MAGI2: variants seen among roughly 807,000 people sequenced by gnomAD.
The protein encoded by MAGI2 is membrane associated guanylate kinase, WW and PDZ domain containing 2, also known as membrane-associated guanylate kinase, WW and PDZ domain-containing protein 2.
In MAGI2, 35 loss-of-function variants were observed where a neutral mutation model predicts 133.3. The observed-to-expected ratio is 0.26, with a 90% CI of 0.20 to 0.35. The LOEUF (loss-of-function observed/expected upper bound fraction) is 0.35. MAGI2 is among the 10% of genes least tolerant of loss of function. The pLI is 1.00. For synonymous variants in MAGI2, 729 were observed against 710.6 expected, an observed-to-expected ratio of 1.03 and a Z score of -0.41; for missense variants, 1,636 against 1,863.4, an observed-to-expected ratio of 0.88 and a Z score of 2.25.
chr7:78,449,786 T>C (rs1483212585), intron 6 of MAGI2, among the ~76,000 whole-genome samples: 1 of 152,100 alleles, frequency 6.6e-6, no homozygotes, highest in Non-Finnish European at 1.5e-5. Context: ...ATAGACATTA[T>C]CACTTAACCG....
chr7:79,240,703 G>A (rs770588733), intron 1 of MAGI2, among the ~76,000 whole-genome samples: 3 of 152,164 alleles, frequency 2.0e-5, no homozygotes, highest in Non-Finnish European at 4.4e-5. Context: ...GTATTGAGCA[G>A]CTTTGCATAT....
intron 10 of MAGI2, among the ~76,000 whole-genome samples, chr7:78,234,715 A>G (rs1264417965): frequency 6.6e-6 from 1 of 150,536 alleles, no homozygotes; most frequent in Non-Finnish European, 1.5e-5. Flanking sequence ...GCTATAGGTG[A>G]TTTCGTTCAT....
At chr7:79,149,858 A>G (rs1026279372) in intron 1 of MAGI2, among the ~76,000 whole-genome samples, 5 of 152,190 alleles carry the variant, frequency 3.3e-5, no homozygotes, top group Non-Finnish European at 2.9e-5. Flanking sequence ...AGAGTCTCAA[A>G]TTTTTTAAAA....
chr7:79,009,131 C>T (rs750235143), intron 1 of MAGI2: 6 of 152,064 alleles, frequency 3.9e-5, no homozygotes, highest in Non-Finnish European at 8.8e-5. Flanking sequence ...TAAGGTAAGC[C>T]AGAATCACTC....
At chr7:79,193,958 T>TTTG (rs1562981605) in intron 1 of MAGI2, among the ~76,000 whole-genome samples, 1 of 151,844 alleles carries the variant, frequency 6.6e-6, no homozygotes, top group African/African-American at 2.4e-5. Context: ...GAAAATCTTT[T>TTTG]TTTGTTTGTT....
intron 1 of MAGI2, among the ~76,000 whole-genome samples, chr7:79,338,595 T>C (rs572958582): frequency 6.6e-6 from 1 of 152,084 alleles, no homozygotes; most frequent in African/African-American, 2.4e-5. Context: ...CTTCTGGGGG[T>C]TCTGTGAGTC....
intron 2 of MAGI2, among the ~76,000 whole-genome samples, chr7:78,992,646 G>T (rs118128655): frequency 6.6e-6 from 1 of 151,876 alleles, no homozygotes; most frequent in Non-Finnish European, 1.5e-5. Flanking sequence ...CTAATGTTAG[G>T]TCAACATATA....
At chr7:79,342,369 A>G (rs1265235419) in intron 1 of MAGI2, among the ~76,000 whole-genome samples, 2 of 152,224 alleles carry the variant, frequency 1.3e-5, no homozygotes, top group Non-Finnish European at 2.9e-5. Flanking sequence ...TGTCCATTGA[A>G]CAAAGTGCAT....
intron 1 of MAGI2, among the ~76,000 whole-genome samples, chr7:79,433,484 C>T (rs1847923944): frequency 6.6e-6 from 1 of 151,374 alleles, no homozygotes; most frequent in African/African-American, 2.4e-5. Context: ...ACCCGGGAGG[C>T]GGAGCTTGCA....
intron 21 of MAGI2, among the ~76,000 whole-genome samples, chr7:78,076,854 A>C (rs867044571): frequency 1.4e-3 from 121 of 84,818 alleles, no homozygotes; most frequent in Non-Finnish European, 2.5e-3. Flanking sequence ...CTCCGTCTCA[A>C]AAAAAAAAAA....
At chr7:78,980,770 C>A (rs182372234) in intron 2 of MAGI2, among the ~76,000 whole-genome samples, 2 of 151,246 alleles carry the variant, frequency 1.3e-5, no homozygotes, top group Non-Finnish European at 3.0e-5. Flanking sequence ...GGTTCAGTTT[C>A]GTTTTTTGTT....
chr7:78,810,910 T>C (rs1456291054), intron 2 of MAGI2, among the ~76,000 whole-genome samples: 1 of 152,088 alleles, frequency 6.6e-6, no homozygotes, highest in Non-Finnish European at 1.5e-5. Context: ...AATGAGTCAT[T>C]ATTTCTTCTA....
chr7:79,057,495 A>G (rs1813255479), intron 1 of MAGI2, among the ~76,000 whole-genome samples: 2 of 152,250 alleles, frequency 1.3e-5, no homozygotes, highest in African/African-American at 2.4e-5. Context: ...ATGTAAGCTT[A>G]TAATATTCTT....
chr7:79,307,410 G>T (rs964352616), intron 1 of MAGI2, among the ~76,000 whole-genome samples: 1 of 152,100 alleles, frequency 6.6e-6, no homozygotes, highest in Admixed American at 6.6e-5. Flanking sequence ...AAAGAATTAC[G>T]ATATGGATTA....
At chr7:78,878,262 C>T (rs1022379052) in intron 2 of MAGI2, among the ~76,000 whole-genome samples, 14 of 152,144 alleles carry the variant, frequency 9.2e-5, no homozygotes, top group African/African-American at 3.4e-4. Flanking sequence ...AAAACCTGTG[C>T]TTGGTTTCAT....
At chr7:79,160,315 A>G (rs905858869) in intron 1 of MAGI2, among the ~76,000 whole-genome samples, 2 of 152,124 alleles carry the variant, frequency 1.3e-5, no homozygotes, top group Non-Finnish European at 2.9e-5. Flanking sequence ...AATCATACAG[A>G]TAAAACAAAA....
chr7:79,313,802 CTTT>C (rs34753875), intron 1 of MAGI2, among the ~76,000 whole-genome samples: 239 of 138,628 alleles, frequency 1.7e-3, no homozygotes, highest in Admixed American at 2.4e-3. Flanking sequence ...ATTTAATTTA[CTTT>C]TTTTTTTTTT....
Position 79,161,656 on chromosome 7 carries a change from A to G in MAGI2, c.302-154450T>C, listed in dbSNP as rs368171350. On this transcript the variant is annotated intron_variant, in intron 1 of 21. Transcript: ENST00000354212. ...CTCTCCTGAGCTGTTTGGTTTGCAAATGGTATTTTCAAGGTAAACAAACAT... is the reference window on the plus strand; with the variant it reads ...CTCTCCTGAGCTGTTTGGTTTGCAAGTGGTATTTTCAAGGTAAACAAACAT... Among the ~76,000 whole-genome samples the G allele has an allele frequency of 2.0e-4, 31 of 152,210 alleles. No individual in the cohort carries two copies. The South Asian group carries it at 6.2e-3, about 31-fold the overall frequency.
At position 78,019,443 on chromosome 7, in the gene MAGI2, G is replaced by A; in HGVS notation, c.4240C>T (p.Pro1414Ser). Residue 1414 changes from proline to serine, a missense_variant, in exon 22 of 22, where the codon CCG (proline) becomes TCG (serine). Physicochemically the swap from Pro to Ser is moderately conservative, Grantham distance 74. Transcript: ENST00000354212. ...GRAGARAGPRPGPRPPGGAPA... is the reference protein window; with the variant it reads ...GRAGARAGPRSGPRPPGGAPA... ...GCGCCCCCCGGGGGTCGCGGGCCCG[G>A]CCGGGGACCCGCGCGCGCACCCGCC... The A allele has an allele frequency of 1.0e-6, 1 of 991,134 alleles. No homozygotes were observed. The highest frequency in any genetic ancestry group is 5.1e-4 in the Middle Eastern group (1 of 1,960). 61.4% of individuals were successfully genotyped at this position (991,134 alleles called of 1,614,324 possible).
Sources: allele counts gnomAD v4.1 joint callset (sites outside exome capture counted in the v4.1 genomes callset), GRCh38; gene constraint gnomAD v4.1.1; transcripts MANE v1.5; gene names NCBI Gene and HGNC (gene_info 2026-07-23, HGNC 2026-07-21).